The following CAPRIN1 variants were observed in gnomAD, a reference collection of about 807,000 sequenced individuals.
CAPRIN1 encodes the protein cell cycle associated protein 1.
A neutral mutation model predicts 100.9 loss-of-function variants in CAPRIN1; 29 were observed. The observed-to-expected ratio is 0.29, with a 90% CI of 0.21 to 0.39. CAPRIN1 has a LOEUF of 0.39. Ranked by LOEUF, CAPRIN1 falls within the 10% of genes least tolerant of loss-of-function variation. The pLI is 1.00. For missense variants in CAPRIN1, 795 were observed against 876.7 expected, an observed-to-expected ratio of 0.91 and a Z score of 1.18; for synonymous variants, 338 against 307.5, an observed-to-expected ratio of 1.10 and a Z score of -1.04.
chr11:34,052,590 T>A lies in CAPRIN1; in HGVS notation c.170T>A (p.Ile57Asn). 6.2e-7 allele frequency: 1 copy of A among 1,611,212 alleles called. No homozygotes were observed. The highest frequency in any genetic ancestry group is 8.5e-7 in the Non-Finnish European group (1 of 1,179,210). Residue 57 changes from isoleucine to asparagine, a missense_variant, in exon 2 of 19, where the codon ATT (isoleucine) becomes AAT (asparagine). Ile to Asn is a moderately radical substitution (Grantham distance 149, BLOSUM62 -3). Around this residue, in one of 3 missense-constraint regions of CAPRIN1, gnomAD observed 109 missense variants for 86.6 expected, o/e 1.26. Coordinates refer to ENST00000341394, the MANE Select transcript of CAPRIN1 (RefSeq NM_005898.5). ...GAVQTEAMKQ[I>N]LGVIDKKLRN... ...GTCCAGACCGAGGCCATGAAGCAGA[T>A]TCTCGGGGTGATCGACAAGAAACTT...
At chr11:34,076,702 T>G in intron 6 of CAPRIN1, 60 bp downstream of exon 6, 1 of 1,217,972 alleles carries the variant, frequency 8.2e-7, no homozygotes, top group East Asian at 2.4e-5. Context: ...ACTAATTTTC[T>G]TATGTTTATA....
intron 2 of CAPRIN1, among the ~76,000 whole-genome samples, chr11:34,063,833 C>A (rs916777271): frequency 6.6e-6 from 1 of 152,008 alleles, no homozygotes; most frequent in Non-Finnish European, 1.5e-5. Flanking sequence ...GGAGTTTCGC[C>A]CTTGTTGCCC....
At chr11:34,090,006 G>C (rs1212335590) in intron 12 of CAPRIN1, 173 bp from the exon 13 acceptor site, 7 of 395,286 alleles carry the variant, frequency 1.8e-5, no homozygotes, top group Non-Finnish European at 2.3e-5. Flanking sequence ...ATATATTTTT[G>C]CAATTTTTAG....
In CAPRIN1 at chr11:34,079,736, C is replaced by T; in HGVS notation, c.797C>T (p.Pro266Leu). The change falls in exon 7 of 19, where the codon CCT becomes CTT. Residue 266 changes from proline to leucine, a missense_variant. Pro to Leu is a moderately conservative substitution (Grantham distance 98). Around this residue, in one of 3 missense-constraint regions of CAPRIN1, gnomAD observed 648 missense variants for 697.9 expected, o/e 0.93. Transcript: ENST00000341394. The part of the protein sequence containing the change: ...LCEEEEAASA[P>L]AVEDQVPEAE... ...GAGGAAGAAGAGGCAGCCTCAGCAC[C>T]TGCAGTTGAAGACCAGGTACCTGAA... 6.2e-7 allele frequency: 1 copy of T among 1,614,108 alleles called. No homozygotes were observed. The highest frequency in any genetic ancestry group is 1.1e-5 in the South Asian group (1 of 91,082).
chr11:34,074,667 G>A lies in CAPRIN1; in HGVS notation c.367-1569G>A, dbSNP rs141683766. On this transcript the variant is annotated intron_variant, in intron 4 of 18. Coordinates refer to ENST00000341394, the MANE Select transcript of CAPRIN1 (RefSeq NM_005898.5). ...GAAGGCCGAGGTGGGTGGATCACCT[G>A]AGGTCAGAAGTTCGAGACCAGCCTG... 4.9e-3 allele frequency among the ~76,000 whole-genome samples: 749 copies of A among 152,290 alleles called. 8 individuals carry two copies. Among genetic ancestry groups the A allele is most frequent in the African/African-American group, 0.017 (711 of 41,542 alleles).
chr11:34,095,976 A>G (rs1851360934), intron 15 of CAPRIN1: 2 of 152,274 alleles, frequency 1.3e-5, no homozygotes. Flanking sequence ...AGTTGATGAC[A>G]TATTCTACCA....
intron 2 of CAPRIN1, among the ~76,000 whole-genome samples, chr11:34,068,548 T>C (rs761739692): frequency 3.9e-5 from 6 of 152,218 alleles, no homozygotes; most frequent in Non-Finnish European, 7.3e-5. Flanking sequence ...TTTTCTACTC[T>C]AGGATAGCTT....
At chr11:34,053,884 A>G (rs1850390532) in intron 2 of CAPRIN1, among the ~76,000 whole-genome samples, 1 of 152,210 alleles carries the variant, frequency 6.6e-6, no homozygotes, top group Admixed American at 6.5e-5. Context: ...TGTTAACTTG[A>G]ATTTTACCTT....
intron 2 of CAPRIN1, among the ~76,000 whole-genome samples, chr11:34,058,080 G>T (rs1387215485): frequency 6.6e-6 from 1 of 151,934 alleles, no homozygotes; most frequent in East Asian, 1.9e-4. Context: ...TTTTATAGAA[G>T]ACAAAATTGA....
chr11:34,073,785 A>G (rs1850850961), intron 4 of CAPRIN1, among the ~76,000 whole-genome samples: 1 of 152,226 alleles, frequency 6.6e-6, no homozygotes, highest in Admixed American at 6.5e-5. Flanking sequence ...ATCTTTGCTG[A>G]AAACAAAAAA....
chr11:34,052,740 T>C, intron 2 of CAPRIN1, 104 bp downstream of exon 2: 3 of 1,428,612 alleles, frequency 2.1e-6, no homozygotes, highest in Non-Finnish European at 2.9e-6. Context: ...TCGGGAGCGT[T>C]ACTAGGTCCC....
At chr11:34,098,962 G>C in intron 18 of CAPRIN1, 1 of 1,136,794 alleles carries the variant, frequency 8.8e-7, no homozygotes, top group Non-Finnish European at 1.1e-6. Flanking sequence ...CATGAGAGCA[G>C]GTACCTTGTC....
In CAPRIN1 at chr11:34,096,484, G is replaced by A; in HGVS notation, c.1711G>A (p.Gly571Ser). 6.2e-7 allele frequency: 1 copy of A among 1,612,816 alleles called. No homozygotes were observed. The highest frequency in any genetic ancestry group is 8.5e-7 in the Non-Finnish European group (1 of 1,178,990). Reference protein sequence around the residue: ...LQQEQLQTVVGTYHGSPDQSH... With the variant: ...LQQEQLQTVVSTYHGSPDQSH... ...TTTTCTTTTTTAAATTATAGTGGTT[G>A]GCACTTACCATGGTTCCCCAGACCA... The change falls in exon 16 of 19, where the codon GGC becomes AGC. Residue 571 changes from glycine (G) to serine (S), a missense_variant. Gly to Ser is a moderately conservative substitution (Grantham distance 56). Around this residue, in one of 3 missense-constraint regions of CAPRIN1, gnomAD observed 648 missense variants for 697.9 expected, o/e 0.93. Transcript: ENST00000341394.
intron 2 of CAPRIN1, among the ~76,000 whole-genome samples, chr11:34,070,611 G>T (rs1850788413): frequency 6.6e-6 from 1 of 152,016 alleles, no homozygotes; most frequent in Non-Finnish European, 1.5e-5. Flanking sequence ...GGCCAGGCTG[G>T]TCTTAATCTC....
chr11:34,074,045 A>G (rs779944009), intron 4 of CAPRIN1, among the ~76,000 whole-genome samples: 10 of 152,102 alleles, frequency 6.6e-5, no homozygotes, highest in Non-Finnish European at 1.2e-4. Context: ...TTCATTCTAA[A>G]TAGCTCCCAA....
chr11:34,091,601 A>G, intron 14 of CAPRIN1: 1 of 183,768 alleles, frequency 5.4e-6, no homozygotes, highest in Non-Finnish European at 1.1e-5. Context: ...TTTGTCTTTT[A>G]AAAAGATTTC....
chr11:34,071,757 A>G lies in CAPRIN1; in HGVS notation c.248A>G (p.Asn83Ser), dbSNP rs1384740041. Reference protein sequence around the residue: ...GKLDDYQERMNKGERLNQDQL... With the variant: ...GKLDDYQERMSKGERLNQDQL... ...CTTGATGATTACCAGGAACGAATGA[A>G]CAAAGGGGAAAGGCTTAATCAAGAT... Residue 83 changes from asparagine (N) to serine (S), a missense_variant, in exon 3 of 19, where the codon AAC becomes AGC. Asn to Ser is a conservative substitution (Grantham distance 46). This residue lies in a region of CAPRIN1 where 38 missense variants were observed against 92.3 expected (regional missense o/e 0.41). Coordinates refer to ENST00000341394, the MANE Select transcript of CAPRIN1 (RefSeq NM_005898.5). The G allele has an allele frequency of 1.2e-5, 19 of 1,612,034 alleles. No homozygotes were observed. Among genetic ancestry groups the G allele is most frequent in the Non-Finnish European group, 1.6e-5 (19 of 1,178,432 alleles).
At position 34,083,083 on chromosome 11, in the gene CAPRIN1, A is replaced by G. The variant is rs1208907408; in HGVS notation, c.966+42A>G. ...TTGCAAAGTTGTTGTCTTTGTCTTC[A>G]GTTAGTAATTTTTATCTCTACTGAG... On this transcript the variant is annotated intron_variant, in intron 9 of 18. Coordinates refer to ENST00000341394, the MANE Select transcript of CAPRIN1 (RefSeq NM_005898.5). The G allele has an allele frequency of 6.6e-5, 90 of 1,369,720 alleles. No homozygotes were observed. The Admixed American group carries it at 1.5e-3, about 23-fold the overall frequency. 84.8% of individuals were successfully genotyped at this position (1,369,720 alleles called of 1,614,324 possible).
intron 13 of CAPRIN1, 71 bp downstream of exon 13, chr11:34,090,360 C>G (rs1039908615): frequency 1.6e-6 from 2 of 1,235,606 alleles, no homozygotes; most frequent in Non-Finnish European, 2.4e-6. Context: ...TGTACATTAC[C>G]ATTAATATAA....
Sources: gnomAD v4.1 joint callset for allele counts (sites outside exome capture counted in the v4.1 genomes callset) on GRCh38, gnomAD v4.1.1 for gene constraint, gnomAD v4.1.1 regional missense constraint, MANE v1.5 for transcripts, NCBI Gene and HGNC (gene_info 2026-07-23, HGNC 2026-07-21) for gene names.